STK26: variants seen among roughly 807,000 people sequenced by gnomAD.
The protein encoded by STK26 is serine/threonine-protein kinase 26.
Under a neutral mutation model 34.7 loss-of-function variants are expected in STK26, and 14 were observed. The ratio of observed to expected loss-of-function variants is 0.40; its 90% CI spans 0.27 to 0.63. The LOEUF (loss-of-function observed/expected upper bound fraction) is 0.63, where lower values mean the gene tolerates loss of function less well. Ranked by LOEUF, STK26 falls within the 30% of genes least tolerant of loss-of-function variation. The pLI is 0.38. For missense variants in STK26, 226 were observed against 309.1 expected (o/e 0.73, Z 2.02); for synonymous variants, 100 against 109.8 (o/e 0.91, Z 0.56).
intron 2 of STK26, among the ~76,000 whole-genome samples, chrX:132,038,544 C>A (rs898303728): frequency 9.0e-6 from 1 of 111,113 alleles, no homozygotes; most frequent in Non-Finnish European, 1.9e-5. Flanking sequence ...TGTTTCTAGA[C>A]ACTTGGAGTC....
chrX:132,026,511 C>A (rs746674236), intron 2 of STK26, among the ~76,000 whole-genome samples: 111 of 111,394 alleles, frequency 1.0e-3, no homozygotes, highest in African/African-American at 3.4e-3. Context: ...AAAAAAAAAC[C>A]AATAAACCTG....
chrX:132,058,893 TA>T (rs1926953453), intron 3 of STK26, among the ~76,000 whole-genome samples: 1 of 110,460 alleles, frequency 9.1e-6, no homozygotes, highest in African/African-American at 3.3e-5. Flanking sequence ...TGAATCTATT[TA>T]AAGTAAATAA....
At chrX:132,058,245 T>C (rs1401162625) in intron 3 of STK26, among the ~76,000 whole-genome samples, 1 of 104,016 alleles carries the variant, frequency 9.6e-6, no homozygotes, top group East Asian at 2.9e-4. Context: ...TGTGTGTGCG[T>C]GTGTGTGTAT....
chrX:132,035,797 AAAC>A (rs1926020821), intron 2 of STK26, among the ~76,000 whole-genome samples: 5 of 104,163 alleles, frequency 4.8e-5, no homozygotes, highest in South Asian at 8.9e-4. Flanking sequence ...TCAAAAAAAA[AAAC>A]AAACAAACCA....
chrX:132,028,826 A>T (rs2124123377), intron 2 of STK26, among the ~76,000 whole-genome samples: 1 of 111,749 alleles, frequency 8.9e-6, no homozygotes, highest in East Asian at 2.8e-4. Flanking sequence ...TGGAGAAAGA[A>T]TTCAGGTTGG....
At chrX:132,030,665 C>T (rs1925798356) in intron 2 of STK26, among the ~76,000 whole-genome samples, 1 of 108,534 alleles carries the variant, frequency 9.2e-6, no homozygotes, top group African/African-American at 3.4e-5. Context: ...GGTGGTTCTA[C>T]TGTTTTTTTT....
intron 4 of STK26, among the ~76,000 whole-genome samples, chrX:132,066,437 C>T (rs1030516347): frequency 8.9e-6 from 1 of 111,933 alleles, no homozygotes; most frequent in Non-Finnish European, 1.9e-5. Flanking sequence ...GTCAAGGTCC[C>T]TCTCTTGCAT....
chrX:132,066,264 C>T (rs1385796265), intron 4 of STK26, among the ~76,000 whole-genome samples: 1 of 111,513 alleles, frequency 9.0e-6, no homozygotes, highest in Non-Finnish European at 1.9e-5. Context: ...GCAACAAAAA[C>T]ACATATAATA....
At chrX:132,034,292 C>CTTT (rs561602079) in intron 2 of STK26, among the ~76,000 whole-genome samples, 2,079 of 41,299 alleles carry the variant, frequency 0.05, 482 homozygotes, top group East Asian at 0.091. Flanking sequence ...GACATTTATT[C>CTTT]TTTTTTTTTT....
At chrX:132,062,455 A>T (rs776511636) in intron 3 of STK26, among the ~76,000 whole-genome samples, 13 of 112,375 alleles carry the variant, frequency 1.2e-4, no homozygotes, top group African/African-American at 4.2e-4. Flanking sequence ...CTCACAGGGA[A>T]GTTAATTCCA....
At chrX:132,073,901 C>T in intron 11 of STK26, among the ~76,000 whole-genome samples, 1 of 111,329 alleles carries the variant, frequency 9.0e-6, no homozygotes, top group Middle Eastern at 4.6e-3. Context: ...CTCTTAAAAT[C>T]CCTTATATTT....
chrX:132,038,795 G>A (rs924156627), intron 2 of STK26, among the ~76,000 whole-genome samples: 23 of 110,673 alleles, frequency 2.1e-4, no homozygotes, highest in African/African-American at 7.2e-4. Context: ...ACAGTTCTGT[G>A]GAGCATTTCA....
chrX:132,064,991 A>G (rs1927172416), intron 4 of STK26, among the ~76,000 whole-genome samples: 2 of 111,803 alleles, frequency 1.8e-5, no homozygotes, highest in South Asian at 7.4e-4. Context: ...TATTTAAACC[A>G]TTTTAAAGAA....
chrX:132,037,769 CTTTTT>C (rs755403402), intron 2 of STK26, among the ~76,000 whole-genome samples: 16 of 51,860 alleles, frequency 3.1e-4, no homozygotes, highest in African/African-American at 7.9e-4. Context: ...CGGAGAGCTG[CTTTTT>C]TTTTTTTTTT....
chrX:132,057,358 T>A (rs1376909960), intron 3 of STK26, among the ~76,000 whole-genome samples: 1 of 111,910 alleles, frequency 8.9e-6, no homozygotes, highest in Non-Finnish European at 1.9e-5. Flanking sequence ...TTCTACTGTG[T>A]AGTGATACCA....
chrX:132,055,437 G>A, intron 3 of STK26: 2 of 1,145,499 alleles, frequency 1.7e-6, no homozygotes, highest in African/African-American at 3.6e-5. Flanking sequence ...AATAAAAGTT[G>A]GATTTTTACT....
At chrX:132,049,114 G>T (rs1303572643) in intron 2 of STK26, among the ~76,000 whole-genome samples, 1 of 111,106 alleles carries the variant, frequency 9.0e-6, no homozygotes, top group African/African-American at 3.3e-5. Context: ...GAGTAGCTGG[G>T]ACTACAGGCA....
At chrX:132,034,111 C>CATATATATAT (rs35610755) in intron 2 of STK26, among the ~76,000 whole-genome samples, 30 of 94,863 alleles carry the variant, frequency 3.2e-4, no homozygotes, top group African/African-American at 7.4e-4. Context: ...ATAATAAATA[C>CATATATATAT]ATATATATAT....
At chrX:132,054,980 G>T (rs1256328782) in intron 3 of STK26, 119 bp downstream of exon 3, 16 of 608,839 alleles carry the variant, frequency 2.6e-5, no homozygotes, top group Middle Eastern at 5.3e-4. Flanking sequence ...CTTCCAGGCA[G>T]AATCCAGCTC....
Sources: allele counts gnomAD v4.1 joint callset (sites outside exome capture counted in the v4.1 genomes callset), GRCh38; gene constraint gnomAD v4.1.1; transcripts MANE v1.5; gene names NCBI Gene and HGNC (gene_info 2026-07-23, HGNC 2026-07-21).